CDH20: variants seen among roughly 807,000 people sequenced by gnomAD.
CDH20 encodes cadherin 20.
Under a neutral mutation model 74.2 loss-of-function variants are expected in CDH20, and 29 were observed. The observed-to-expected ratio is 0.39, with a 90% CI of 0.29 to 0.53. CDH20 has a LOEUF of 0.53. Ranked by LOEUF, CDH20 falls within the 20% of genes least tolerant of loss-of-function variation. The probability of loss-of-function intolerance (pLI) is 0.69; values close to 1 mark genes in which losing one functional copy is unlikely to be tolerated. For synonymous variants in CDH20, 469 were observed against 405.4 expected, an observed-to-expected ratio of 1.16 and a Z score of -1.88; for missense variants, 988 against 1,048.3, an observed-to-expected ratio of 0.94 and a Z score of 0.79.
chr18:61,478,853 T>C (rs1389832732), intron 1 of CDH20, among the ~76,000 whole-genome samples: 1 of 152,150 alleles, frequency 6.6e-6, no homozygotes, highest in Non-Finnish European at 1.5e-5. Flanking sequence ...ATTTCTAATG[T>C]CTAGAAGAGC....
intron 10 of CDH20, among the ~76,000 whole-genome samples, chr18:61,545,646 AAATAC>A (rs1204715723): frequency 6.6e-6 from 1 of 152,154 alleles, no homozygotes; most frequent in Non-Finnish European, 1.5e-5. Flanking sequence ...ATAAAAAATA[AAATAC>A]AATAAAATAA....
intron 1 of CDH20, among the ~76,000 whole-genome samples, chr18:61,433,448 T>C (rs1908724034): frequency 6.6e-6 from 1 of 152,210 alleles, no homozygotes; most frequent in Admixed American, 6.5e-5. Flanking sequence ...ATAAACATCA[T>C]GTATTGCCAC....
At chr18:61,424,384 T>C (rs750455918) in intron 1 of CDH20, among the ~76,000 whole-genome samples, 3 of 152,242 alleles carry the variant, frequency 2.0e-5, no homozygotes, top group Non-Finnish European at 4.4e-5. Flanking sequence ...GTTTACTAAA[T>C]GGGAGGCCTA....
chr18:61,404,594 A>G (rs75316806), intron 1 of CDH20, among the ~76,000 whole-genome samples: 31,883 of 152,058 alleles, frequency 0.21, 3,564 homozygotes, highest in Non-Finnish European at 0.26. Flanking sequence ...CGCCCAAGAT[A>G]CAATAATAAT....
chr18:61,427,840 T>C (rs1913124004), intron 1 of CDH20, among the ~76,000 whole-genome samples: 2 of 152,134 alleles, frequency 1.3e-5, no homozygotes, highest in Non-Finnish European at 2.9e-5. Context: ...TTCCCTCTTC[T>C]CTACAAAAAC....
intron 1 of CDH20, among the ~76,000 whole-genome samples, chr18:61,425,957 C>G (rs1021445572): frequency 2.6e-5 from 4 of 152,166 alleles, no homozygotes; most frequent in Non-Finnish European, 4.4e-5. Context: ...ACTCCCAGTA[C>G]TTCACTCTTT....
chr18:61,455,052 G>T (rs1451889343), intron 1 of CDH20, among the ~76,000 whole-genome samples: 1 of 152,144 alleles, frequency 6.6e-6, no homozygotes, highest in Non-Finnish European at 1.5e-5. Flanking sequence ...TCGATACAAT[G>T]ATTTCTGAAG....
intron 1 of CDH20, among the ~76,000 whole-genome samples, chr18:61,399,255 G>A (rs559199168): frequency 2.0e-5 from 3 of 151,736 alleles, no homozygotes; most frequent in East Asian, 1.9e-4. Context: ...AGAGCAGGAC[G>A]TCTGAGAAGT....
chr18:61,466,661 C>A (rs1909973054), intron 1 of CDH20, among the ~76,000 whole-genome samples: 1 of 152,172 alleles, frequency 6.6e-6, no homozygotes, highest in Non-Finnish European at 1.5e-5. Flanking sequence ...TATCTAGGGA[C>A]TAACCTAGTA....
chr18:61,415,210 A>T (rs1395680303), intron 1 of CDH20, among the ~76,000 whole-genome samples: 1 of 152,156 alleles, frequency 6.6e-6, no homozygotes, highest in Non-Finnish European at 1.5e-5. Context: ...AACCCCCAAC[A>T]TACCAGAAAA....
intron 1 of CDH20, among the ~76,000 whole-genome samples, chr18:61,464,045 T>C (rs1257518501): frequency 3.3e-5 from 5 of 152,158 alleles, no homozygotes; most frequent in Admixed American, 6.5e-5. Context: ...TCAATAAATA[T>C]TAGTTACCTT....
intron 1 of CDH20, among the ~76,000 whole-genome samples, chr18:61,385,992 A>G (rs1485431821): frequency 6.6e-6 from 1 of 152,162 alleles, no homozygotes; most frequent in Non-Finnish European, 1.5e-5. Flanking sequence ...AACATGTAAA[A>G]AAAAATTAAC....
intron 8 of CDH20, among the ~76,000 whole-genome samples, chr18:61,537,586 T>C (rs533943090): frequency 1.2e-4 from 19 of 152,338 alleles, no homozygotes; most frequent in Admixed American, 5.2e-4. Flanking sequence ...TGCTTAAATG[T>C]AACTTCTGTG....
At chr18:61,403,697 C>T (rs559864420) in intron 1 of CDH20, among the ~76,000 whole-genome samples, 1 of 152,250 alleles carries the variant, frequency 6.6e-6, no homozygotes, top group South Asian at 2.1e-4. Context: ...ATCACACTAC[C>T]TGGAAAATTA....
At chr18:61,495,708 C>T (rs1911113304) in intron 2 of CDH20, among the ~76,000 whole-genome samples, 1 of 152,164 alleles carries the variant, frequency 6.6e-6, no homozygotes, top group Non-Finnish European at 1.5e-5. Flanking sequence ...ATCCCCACCT[C>T]CCTTGTGTGT....
chr18:61,365,807 T>C (rs1179643788), intron 1 of CDH20, among the ~76,000 whole-genome samples: 2 of 152,166 alleles, frequency 1.3e-5, no homozygotes, highest in African/African-American at 4.8e-5. Context: ...GTACTAAAAG[T>C]TCTTTGCAGT....
chr18:61,487,529 G>A (rs1910809446), intron 1 of CDH20, among the ~76,000 whole-genome samples: 1 of 152,174 alleles, frequency 6.6e-6, no homozygotes, highest in Non-Finnish European at 1.5e-5. Flanking sequence ...GAGTTGGTAC[G>A]ACATTGCGGT....
intron 10 of CDH20, among the ~76,000 whole-genome samples, chr18:61,548,808 C>T (rs888178562): frequency 6.6e-6 from 1 of 152,238 alleles, no homozygotes; most frequent in African/African-American, 2.4e-5. Context: ...AGAAGTAACA[C>T]AAATCACTAT....
At chr18:61,414,539 T>C (rs1912622668) in intron 1 of CDH20, among the ~76,000 whole-genome samples, 1 of 152,132 alleles carries the variant, frequency 6.6e-6, no homozygotes, top group African/African-American at 2.4e-5. Context: ...TGTATACAAG[T>C]GTCAAAATGA....
Sources: gnomAD v4.1 joint callset for allele counts (sites outside exome capture counted in the v4.1 genomes callset) on GRCh38, gnomAD v4.1.1 for gene constraint, MANE v1.5 for transcripts, NCBI Gene and HGNC (gene_info 2026-07-23, HGNC 2026-07-21) for gene names.